The following SGCZ variants were observed in gnomAD, a reference collection of about 807,000 sequenced individuals.
The protein encoded by SGCZ is sarcoglycan zeta.
A neutral mutation model predicts 41.3 loss-of-function variants in SGCZ; 40 were observed. The ratio of observed to expected loss-of-function variants is 0.97; its 90% CI spans 0.75 to 1.26. SGCZ has a LOEUF of 1.26. SGCZ is among the 50% of genes most tolerant of loss of function. The probability of loss-of-function intolerance (pLI) is 0.00; values close to 1 mark genes in which losing one functional copy is unlikely to be tolerated. For missense variants in SGCZ, 552 were observed against 369.8 expected (o/e 1.49, Z -4.04); for synonymous variants, 206 against 137.5 (o/e 1.50, Z -3.49).
intron 4 of SGCZ, among the ~76,000 whole-genome samples, chr8:14,188,700 T>C (rs1804986230): frequency 6.6e-6 from 1 of 152,182 alleles, no homozygotes; most frequent in Non-Finnish European, 1.5e-5. Context: ...ATGTGAATTA[T>C]ATTCCAATAA....
At chr8:14,766,623 G>A (rs1800043472) in intron 1 of SGCZ, among the ~76,000 whole-genome samples, 1 of 151,194 alleles carries the variant, frequency 6.6e-6, no homozygotes, top group African/African-American at 2.4e-5. Context: ...GTGCAGTACT[G>A]CGATCTCGGC....
chr8:15,204,769 A>G (rs1445008196), intron 1 of SGCZ, among the ~76,000 whole-genome samples: 2 of 152,146 alleles, frequency 1.3e-5, no homozygotes, highest in African/African-American at 4.8e-5. Context: ...ACTATAGCCC[A>G]CATAACATCT....
intron 2 of SGCZ, among the ~76,000 whole-genome samples, chr8:14,553,905 T>C (rs914480408): frequency 6.6e-6 from 1 of 152,046 alleles, no homozygotes; most frequent in African/African-American, 2.4e-5. Context: ...GAAAGATACT[T>C]GCTTGTATGT....
Position 14,086,190 on chromosome 8 carries a change from CAT to C in SGCZ, c.*4251_*4252del, listed in dbSNP as rs1476811785. Among the ~76,000 whole-genome samples, 1 of 151,630 alleles carries C rather than the reference CAT, an allele frequency of 6.6e-6. No individual in the cohort carries two copies. Among genetic ancestry groups the C allele is most frequent in the African/African-American group, 2.4e-5 (1 of 41,358 alleles). On this transcript the variant is annotated 3_prime_UTR_variant, in exon 8 of 8. Transcript: ENST00000382080. ...AAGAATTAGGTGACAAGACCTCACT[CAT>C]ATAAAACTCAAATATGAATTTGGCT... is the stretch of plus-strand genomic sequence containing the variant.
intron 2 of SGCZ, among the ~76,000 whole-genome samples, chr8:14,531,551 G>C (rs10089289): frequency 0.91 from 138,894 of 152,042 alleles, 63,571 homozygotes; most frequent in Middle Eastern, 0.98. Flanking sequence ...TTCCCAGTAG[G>C]TGGCAGTCCA....
chr8:14,755,389 A>C (rs966494717), intron 1 of SGCZ, among the ~76,000 whole-genome samples: 3 of 151,474 alleles, frequency 2.0e-5, no homozygotes, highest in Non-Finnish European at 4.4e-5. Flanking sequence ...CCAAATGAAC[A>C]ATTAAGGAGC....
chr8:14,341,718 T>C (rs1454602880), intron 2 of SGCZ, among the ~76,000 whole-genome samples: 1 of 152,204 alleles, frequency 6.6e-6, no homozygotes, highest in Non-Finnish European at 1.5e-5. Flanking sequence ...ATTCCTGTGC[T>C]ATTCTTGTTT....
chr8:14,617,984 A>G (rs1291513871), intron 1 of SGCZ, among the ~76,000 whole-genome samples: 1 of 152,082 alleles, frequency 6.6e-6, no homozygotes, highest in Non-Finnish European at 1.5e-5. Flanking sequence ...ACTAAAAGTC[A>G]TGAAGTCCAG....
At chr8:14,446,367 T>C (rs1800432425) in intron 2 of SGCZ, among the ~76,000 whole-genome samples, 1 of 152,188 alleles carries the variant, frequency 6.6e-6, no homozygotes, top group African/African-American at 2.4e-5. Flanking sequence ...AACATTTCTG[T>C]TTCTAATAAA....
intron 1 of SGCZ, among the ~76,000 whole-genome samples, chr8:15,155,925 G>A (rs1799316421): frequency 6.6e-6 from 1 of 151,932 alleles, no homozygotes; most frequent in Non-Finnish European, 1.5e-5. Flanking sequence ...AGGTGTAGTG[G>A]CGCACACCTG....
At chr8:15,219,443 T>C (rs1190102456) in intron 1 of SGCZ, among the ~76,000 whole-genome samples, 1 of 152,220 alleles carries the variant, frequency 6.6e-6, no homozygotes, top group African/African-American at 2.4e-5. Context: ...TTATTTCCTA[T>C]TATTCGTTGG....
At chr8:14,798,472 A>G (rs1801209570) in intron 1 of SGCZ, among the ~76,000 whole-genome samples, 1 of 152,206 alleles carries the variant, frequency 6.6e-6, no homozygotes, top group Admixed American at 6.5e-5. Context: ...CAACTTACAG[A>G]AGACAGAAAA....
intron 1 of SGCZ, among the ~76,000 whole-genome samples, chr8:14,819,618 T>A (rs1416512030): frequency 6.6e-6 from 1 of 152,134 alleles, no homozygotes; most frequent in African/African-American, 2.4e-5. Context: ...TGTAAATCTT[T>A]CAATACTCCA....
intron 1 of SGCZ, among the ~76,000 whole-genome samples, chr8:14,580,222 A>G (rs1445668096): frequency 6.6e-6 from 1 of 152,216 alleles, no homozygotes; most frequent in African/African-American, 2.4e-5. Context: ...GAATACACAG[A>G]GCTATTACTT....
chr8:14,215,428 A>T (rs1805961055), intron 4 of SGCZ, among the ~76,000 whole-genome samples: 1 of 152,174 alleles, frequency 6.6e-6, no homozygotes, highest in African/African-American at 2.4e-5. Flanking sequence ...AGAGTAGTCA[A>T]ATGAATAATC....
At chr8:14,098,136 C>T (rs190513047) in intron 7 of SGCZ, among the ~76,000 whole-genome samples, 66 of 152,146 alleles carry the variant, frequency 4.3e-4, no homozygotes, top group Non-Finnish European at 5.7e-4. Context: ...TAAATGAATA[C>T]ATTATAAAAC....
Position 15,161,043 on chromosome 8 carries a change from C to A in SGCZ, c.39+76542G>T, listed in dbSNP as rs76166125. Among the ~76,000 whole-genome samples, 6 of 152,162 alleles carry A rather than the reference C, an allele frequency of 3.9e-5. No individual in the cohort carries two copies. The East Asian group carries it at 9.7e-4, about 25-fold the overall frequency. ...GATGCTCTCCTGCTCAGTCCTTCAA[C>A]GGCCTCTTTCTCTGCAAGATCTGAA... On this transcript the variant is annotated intron_variant, in intron 1 of 7. Transcript: ENST00000382080.
At position 15,114,066 on chromosome 8, in the gene SGCZ, C is replaced by T. The variant is rs114009155; in HGVS notation, c.39+123519G>A. The stretch of plus-strand genomic sequence containing the variant: ...CCTGCCAGATTAGAGAAACAGATCT[C>T]ATGTTTCCTGATAAATTTGACATTT... On this transcript the variant is annotated intron_variant, in intron 1 of 7. Coordinates refer to ENST00000382080, the MANE Select transcript of SGCZ (RefSeq NM_139167.4). Among the ~76,000 whole-genome samples the T allele has an allele frequency of 2.4e-3, 358 of 152,294 alleles. 1 individual carries two copies. Among genetic ancestry groups the T allele is most frequent in the African/African-American group, 8.2e-3 (340 of 41,566 alleles).
intron 1 of SGCZ, among the ~76,000 whole-genome samples, chr8:14,883,814 T>G (rs2130728699): frequency 6.6e-6 from 1 of 150,662 alleles, no homozygotes; most frequent in South Asian, 2.1e-4. Context: ...GTACCCTTCT[T>G]CTATTTTGCT....
Sources: gnomAD v4.1 joint callset for allele counts (sites outside exome capture counted in the v4.1 genomes callset) on GRCh38, gnomAD v4.1.1 for gene constraint, MANE v1.5 for transcripts, NCBI Gene and HGNC (gene_info 2026-07-23, HGNC 2026-07-21) for gene names.